The following KLHDC4 variants were observed in gnomAD, a reference collection of about 807,000 sequenced individuals.
The protein encoded by KLHDC4 is kelch domain-containing protein 4.
A neutral mutation model predicts 62.4 loss-of-function variants in KLHDC4; 90 were observed. That is an observed-to-expected ratio of 1.44 (90% CI 1.22 to 1.72). The LOEUF is 1.72. Ranked by LOEUF, KLHDC4 falls within the 40% of genes most tolerant of loss-of-function variation. KLHDC4 has a pLI of 0.00. For missense variants in KLHDC4, 1,025 were observed against 699.7 expected (o/e 1.47, Z -5.25); for synonymous variants, 386 against 284.4 (o/e 1.36, Z -3.59).
At chr16:87,720,998 C>T (rs1038827576) in intron 7 of KLHDC4, among the ~76,000 whole-genome samples, 9 of 152,240 alleles carry the variant, frequency 5.9e-5, no homozygotes, top group African/African-American at 1.7e-4. Context: ...TGAAGCTGGG[C>T]CCCAGGGCAC....
At chr16:87,703,327 A>G (rs1481203857), downstream of KLHDC4, 1 of 151,472 alleles carries the variant, frequency 6.6e-6, no homozygotes, top group Non-Finnish European at 1.5e-5. Flanking sequence ...TGGCCAGGGC[A>G]TGTCTCCCCC....
At chr16:87,723,078 G>C (rs1327654218) in intron 7 of KLHDC4, among the ~76,000 whole-genome samples, 1 of 152,218 alleles carries the variant, frequency 6.6e-6, no homozygotes, top group African/African-American at 2.4e-5. Flanking sequence ...AATGGCGCCA[G>C]AGCAAGGACG....
intron 5 of KLHDC4, 111 bp downstream of exon 5, chr16:87,748,561 AC>A (rs2043398407): frequency 7.3e-7 from 1 of 1,374,968 alleles, no homozygotes. Context: ...CAGGACTGTG[AC>A]CCAAGTTCCT....
exon 1 of KLHDC4, chr16:87,699,180 G>A (rs1259760130): frequency 2.6e-5 from 4 of 152,246 alleles, no homozygotes; most frequent in South Asian, 4.1e-4. Flanking sequence ...CTGTGCCCAC[G>A]GCTGGCCTGT....
At chr16:87,730,085 C>A (rs544912595) in intron 6 of KLHDC4, among the ~76,000 whole-genome samples, 9 of 152,314 alleles carry the variant, frequency 5.9e-5, no homozygotes, top group East Asian at 3.9e-4. Flanking sequence ...TCCTGAGTAG[C>A]TGAGATTACA....
chr16:87,729,978 A>C (rs986508876), intron 6 of KLHDC4, among the ~76,000 whole-genome samples: 3 of 152,132 alleles, frequency 2.0e-5, no homozygotes, highest in African/African-American at 7.2e-5. Context: ...TTTTCAAACG[A>C]AGTCTCGCTT....
At chr16:87,752,733 G>C (rs963213250) in intron 4 of KLHDC4, among the ~76,000 whole-genome samples, 1 of 152,150 alleles carries the variant, frequency 6.6e-6, no homozygotes, top group African/African-American at 2.4e-5. Flanking sequence ...CTGATCAGCA[G>C]TCTAAGAGCT....
chr16:87,762,087 C>G (rs1344280738), intron 1 of KLHDC4, 47 bp from the exon 2 acceptor site: 1 of 1,602,322 alleles, frequency 6.2e-7, no homozygotes, highest in Non-Finnish European at 8.5e-7. Context: ...CCAGGACCCG[C>G]CGCGGAGCCA....
chr16:87,699,280 A>G (rs1440892664), exon 1 of KLHDC4: 1 of 152,270 alleles, frequency 6.6e-6, no homozygotes, highest in Non-Finnish European at 1.5e-5. Flanking sequence ...TCGGGAACTG[A>G]AACAGTCTCT....
exon 1 of KLHDC4, chr16:87,699,736 T>A (rs2034052914): frequency 6.6e-6 from 1 of 152,264 alleles, no homozygotes; most frequent in African/African-American, 2.4e-5. Context: ...GGCCCTCCCC[T>A]GCATTCACTC....
exon 1 of KLHDC4, chr16:87,698,287 G>GTGACA (rs1240460211): frequency 1.3e-5 from 2 of 152,384 alleles, no homozygotes; most frequent in Admixed American, 1.3e-4. Context: ...CTAAAGGGCT[G>GTGACA]TGACATTTTT....
At chr16:87,734,038 G>C (rs949286980) in intron 5 of KLHDC4, among the ~76,000 whole-genome samples, 3 of 152,176 alleles carry the variant, frequency 2.0e-5, no homozygotes, top group Non-Finnish European at 2.9e-5. Context: ...CCCAGAAATG[G>C]GCAGGTACCC....
At chr16:87,703,975 G>A (rs879602534), downstream of KLHDC4, among the ~76,000 whole-genome samples, 3 of 152,228 alleles carry the variant, frequency 2.0e-5, no homozygotes, top group Non-Finnish European at 2.9e-5. Context: ...CTCTTACACT[G>A]CCCAGGAGAG....
chr16:87,763,804 G>C (rs898229141), intron 1 of KLHDC4, among the ~76,000 whole-genome samples: 1 of 152,204 alleles, frequency 6.6e-6, no homozygotes, highest in Non-Finnish European at 1.5e-5. Flanking sequence ...AGGAGAGCAA[G>C]GTGGTAGGGT....
At chr16:87,711,018 G>A (rs1307392719) in intron 9 of KLHDC4, 2 of 551,132 alleles carry the variant, frequency 3.6e-6, no homozygotes, top group South Asian at 2.4e-5. Context: ...TGAGGTAGCA[G>A]CCCCGCCAGC....
intron 7 of KLHDC4, among the ~76,000 whole-genome samples, chr16:87,717,043 G>A (rs979931521): frequency 1.3e-5 from 2 of 152,204 alleles, no homozygotes; most frequent in African/African-American, 4.8e-5. Context: ...ACCAGCCTGG[G>A]CAATGGCAAA....
chr16:87,716,480 G>A (rs909373968), intron 7 of KLHDC4, among the ~76,000 whole-genome samples: 22 of 152,294 alleles, frequency 1.4e-4, no homozygotes, highest in African/African-American at 5.3e-4. Flanking sequence ...TTGGGTCCCT[G>A]TGACTTGCAC....
At chr16:87,747,222 G>A (rs1280987801) in intron 5 of KLHDC4, among the ~76,000 whole-genome samples, 1 of 152,370 alleles carries the variant, frequency 6.6e-6, no homozygotes. Context: ...GGGACTTGCT[G>A]GGTTGGGTGC....
intron 5 of KLHDC4, among the ~76,000 whole-genome samples, chr16:87,735,597 T>A (rs2041177841): frequency 6.6e-6 from 1 of 152,228 alleles, no homozygotes; most frequent in African/African-American, 2.4e-5. Context: ...GTTTTCTACC[T>A]AAAAGGGGAA....
Sources: allele counts gnomAD v4.1 joint callset (sites outside exome capture counted in the v4.1 genomes callset), GRCh38; gene constraint gnomAD v4.1.1; transcripts MANE v1.5; gene names NCBI Gene and HGNC (gene_info 2026-07-23, HGNC 2026-07-21).